Variants in ADGRD1 observed in about 807,000 individuals in gnomAD.
The protein encoded by ADGRD1 is G-protein coupled receptor 133.
Under a neutral mutation model 113.4 loss-of-function variants are expected in ADGRD1, and 77 were observed. The ratio of observed to expected loss-of-function variants is 0.68; its 90% CI spans 0.57 to 0.82. The LOEUF (loss-of-function observed/expected upper bound fraction) is 0.82, where lower values mean the gene tolerates loss of function less well. Among genes scored for constraint, ADGRD1 ranks in the 40% least tolerant of loss-of-function variants. ADGRD1 has a pLI of 0.00. For synonymous variants in ADGRD1, 474 were observed against 475.0 expected (o/e 1.00, Z 0.03); for missense variants, 1,036 against 1,139.1 (o/e 0.91, Z 1.30).
chr12:131,049,746 C>T (rs769172809), intron 13 of ADGRD1, among the ~76,000 whole-genome samples: 2 of 152,106 alleles, frequency 1.3e-5, no homozygotes, highest in Non-Finnish European at 2.9e-5. Context: ...GGTTTGGGGC[C>T]GGGCAGTGGG....
At position 131,131,746 on chromosome 12, in the gene ADGRD1, G is replaced by A. The variant is rs766201065; in HGVS notation, c.2197G>A (p.Ala733Thr). 3.1e-6 allele frequency: 5 copies of A among 1,610,750 alleles called. No homozygotes were observed. Among genetic ancestry groups the A allele is most frequent in the African/African-American group, 1.3e-5 (1 of 74,778 alleles). ...GCAGGTCAACATTGGCATCCTCATC[G>A]CTGTGACCAGAGTCATCTCACAGAT... ...VIVVNIGILI[A>T]VTRVISQISA... Residue 733 changes from alanine to threonine, a missense_variant, in exon 21 of 25, where the codon GCT (alanine) becomes ACT (threonine). Transcript: ENST00000261654.
chr12:131,030,586 G>T (rs983309025), intron 13 of ADGRD1: 2 of 152,268 alleles, frequency 1.3e-5, no homozygotes, highest in Non-Finnish European at 2.9e-5. Flanking sequence ...TCCCTCCCCT[G>T]AGGCCAAGGC....
chr12:131,076,962 C>T, intron 14 of ADGRD1, 88 bp downstream of exon 14: 1 of 1,034,958 alleles, frequency 9.7e-7, no homozygotes, highest in Non-Finnish European at 1.5e-6. Flanking sequence ...ATCTGGGTCA[C>T]CCATTTCTGC....
At chr12:131,117,122 C>T (rs1352261707) in intron 18 of ADGRD1, among the ~76,000 whole-genome samples, 1 of 152,340 alleles carries the variant, frequency 6.6e-6, no homozygotes, top group South Asian at 2.1e-4. Flanking sequence ...TAGGTCAATT[C>T]CTACAAGTAG....
chr12:131,100,240 T>C (rs779385488), intron 15 of ADGRD1, among the ~76,000 whole-genome samples: 24 of 152,004 alleles, frequency 1.6e-4, no homozygotes, highest in Non-Finnish European at 2.6e-4. Flanking sequence ...AGTTGGTTGA[T>C]AGTGGATTAC....
At chr12:130,990,904 G>A in intron 6 of ADGRD1, 110 bp from the exon 7 acceptor site, 1 of 763,340 alleles carries the variant, frequency 1.3e-6, no homozygotes, top group Non-Finnish European at 2.2e-6. Context: ...AACATTCTCA[G>A]ACTCTCTTCC....
At chr12:131,135,926 C>G (rs1951067110) in intron 21 of ADGRD1, 111 bp from the exon 22 acceptor site, 1 of 1,189,448 alleles carries the variant, frequency 8.4e-7, no homozygotes, top group African/African-American at 1.5e-5. Context: ...GGTCTTGCTC[C>G]CGGCAGGGCG....
intron 9 of ADGRD1, among the ~76,000 whole-genome samples, chr12:131,001,364 CAA>C (rs933522047): frequency 3.9e-5 from 6 of 152,072 alleles, no homozygotes; most frequent in African/African-American, 1.4e-4. Context: ...TAATAAAAAA[CAA>C]AATAAAAATC....
At chr12:131,105,376 C>T (rs1214990107) in intron 16 of ADGRD1, among the ~76,000 whole-genome samples, 1 of 152,224 alleles carries the variant, frequency 6.6e-6, no homozygotes, top group Non-Finnish European at 1.5e-5. Flanking sequence ...GGTCAGGAAG[C>T]TTACGCTGAG....
intron 13 of ADGRD1, chr12:131,070,909 A>G (rs760167190): frequency 1.9e-5 from 10 of 518,880 alleles, no homozygotes; most frequent in Non-Finnish European, 3.1e-5. Flanking sequence ...GCCATCCAGG[A>G]TGGTGGAGAA....
chr12:131,071,662 G>A (rs1021361445), intron 13 of ADGRD1, among the ~76,000 whole-genome samples: 11 of 152,228 alleles, frequency 7.2e-5, no homozygotes, highest in African/African-American at 2.4e-4. Flanking sequence ...ACTTGTGCAC[G>A]CACTGGCGGG....
chr12:131,043,985 A>G (rs1593107345), intron 13 of ADGRD1, among the ~76,000 whole-genome samples: 3 of 152,192 alleles, frequency 2.0e-5, no homozygotes, highest in Admixed American at 2.0e-4. Context: ...GGGCCACTAG[A>G]GGTTCCCTGG....
chr12:130,981,034 G>C (rs1593290043), intron 4 of ADGRD1: 1 of 152,334 alleles, frequency 6.6e-6, no homozygotes, highest in Admixed American at 6.5e-5. Flanking sequence ...CTTGAAAAAG[G>C]TTTCAGCTGC....
chr12:131,058,139 C>A (rs1316766583), intron 13 of ADGRD1, among the ~76,000 whole-genome samples: 1 of 152,190 alleles, frequency 6.6e-6, no homozygotes, highest in African/African-American at 2.4e-5. Flanking sequence ...TCTGGCCTTG[C>A]CCTCCCCATG....
At chr12:131,139,142 A>G (rs767339748) in intron 24 of ADGRD1, 26 bp from the exon 25 acceptor site, 4 of 1,579,450 alleles carry the variant, frequency 2.5e-6, no homozygotes, top group Non-Finnish European at 3.5e-6. Flanking sequence ...CAGGCCCTTC[A>G]CTGCTCATCC....
chr12:131,111,259 AT>A (rs1419238625), intron 18 of ADGRD1, among the ~76,000 whole-genome samples: 1 of 151,926 alleles, frequency 6.6e-6, no homozygotes, highest in African/African-American at 2.4e-5. Context: ...TGCCTGGCTA[AT>A]TTTTGTATTT....
rs533844818 is a variant in ADGRD1, at chr12:131,077,602, C to T, written c.1547+728C>T. On this transcript the variant is annotated intron_variant, in intron 14 of 24. Transcript: ENST00000261654. ...TTGAAAACTCAGCTCCCCGCAGGGC[C>T]GGGGAGTGGAGGGAGGGGTGGGGCC... 2.2e-4 allele frequency among the ~76,000 whole-genome samples: 33 copies of T among 152,166 alleles called. No homozygotes were observed. The East Asian group carries it at 2.5e-3, about 12-fold the overall frequency.
At chr12:131,031,279 G>T (rs1284551368) in intron 13 of ADGRD1, among the ~76,000 whole-genome samples, 1 of 152,208 alleles carries the variant, frequency 6.6e-6, no homozygotes, top group Admixed American at 6.5e-5. Context: ...TGGGTACTGC[G>T]TGCTGCCCTG....
chr12:131,136,455 A>G (rs1951088551), intron 22 of ADGRD1, among the ~76,000 whole-genome samples: 1 of 152,186 alleles, frequency 6.6e-6, no homozygotes, highest in African/African-American at 2.4e-5. Flanking sequence ...TCTGGAAAGA[A>G]AGGCAGAGAG....
Sources: allele counts gnomAD v4.1 joint callset (sites outside exome capture counted in the v4.1 genomes callset), GRCh38; gene constraint gnomAD v4.1.1; transcripts MANE v1.5; gene names NCBI Gene and HGNC (gene_info 2026-07-23, HGNC 2026-07-21).